RBFOX1: variants seen among roughly 807,000 people sequenced by gnomAD.
The protein encoded by RBFOX1 is RNA binding protein fox-1 homolog 1.
Under a neutral mutation model 57.7 loss-of-function variants are expected in RBFOX1, and 8 were observed. The observed-to-expected ratio is 0.14, with a 90% CI of 0.08 to 0.25. The LOEUF (loss-of-function observed/expected upper bound fraction) is 0.25, where lower values mean the gene tolerates loss of function less well. RBFOX1 is among the 10% of genes least tolerant of loss of function. RBFOX1 has a pLI of 1.00. For missense variants in RBFOX1, 611 were observed against 548.5 expected, an observed-to-expected ratio of 1.11 and a Z score of -1.14; for synonymous variants, 326 against 222.4, an observed-to-expected ratio of 1.47 and a Z score of -4.15.
At chr16:6,361,820 C>G (rs2088601335) in intron 2 of RBFOX1, among the ~76,000 whole-genome samples, 1 of 152,138 alleles carries the variant, frequency 6.6e-6, no homozygotes, top group Non-Finnish European at 1.5e-5. Flanking sequence ...TTGAGAACCA[C>G]TGGGCTGGAG....
intron 1 of RBFOX1, among the ~76,000 whole-genome samples, chr16:6,209,228 C>T (rs1352496649): frequency 6.6e-6 from 1 of 152,126 alleles, no homozygotes; most frequent in Non-Finnish European, 1.5e-5. Flanking sequence ...GGCATCTTCA[C>T]AAACAAGCAA....
At chr16:6,645,256 A>C (rs533122429) in intron 2 of RBFOX1, among the ~76,000 whole-genome samples, 14 of 152,046 alleles carry the variant, frequency 9.2e-5, no homozygotes, top group African/African-American at 2.9e-4. Context: ...GTCTGCACAG[A>C]CTCCATTTGC....
chr16:5,564,152 A>G (rs1948949), intron 2 of RBFOX1, among the ~76,000 whole-genome samples: 64,646 of 151,584 alleles, frequency 0.43, 14,004 homozygotes, highest in East Asian at 0.52. Flanking sequence ...AGCTGAGATT[A>G]TGGTCCGCAC....
chr16:6,280,094 C>T (rs926274260), intron 1 of RBFOX1, among the ~76,000 whole-genome samples: 1 of 151,038 alleles, frequency 6.6e-6, no homozygotes, highest in South Asian at 2.1e-4. Context: ...TTTTGGGGGT[C>T]GGGAAAGGGG....
intron 3 of RBFOX1, among the ~76,000 whole-genome samples, chr16:6,940,768 G>C (rs2078252489): frequency 2.3e-5 from 1 of 43,672 alleles, no homozygotes; most frequent in Non-Finnish European, 3.9e-5. Flanking sequence ...CCGCTAGTGT[G>C]TGTGTGTGTG....
intron 2 of RBFOX1, among the ~76,000 whole-genome samples, chr16:6,444,123 C>T (rs1041403167): frequency 1.4e-4 from 22 of 152,086 alleles, no homozygotes; most frequent in African/African-American, 4.6e-4. Context: ...GCATCCTCAT[C>T]GATTGCTGTC....
At chr16:6,003,574 A>T (rs1290121365) in intron 4 of RBFOX1, among the ~76,000 whole-genome samples, 1 of 149,904 alleles carries the variant, frequency 6.7e-6, no homozygotes, top group African/African-American at 2.5e-5. Context: ...CTTTGTAGCT[A>T]GTGCCTTTTT....
At chr16:6,664,294 A>G (rs1291173078) in intron 3 of RBFOX1, among the ~76,000 whole-genome samples, 1 of 152,214 alleles carries the variant, frequency 6.6e-6, no homozygotes, top group Non-Finnish European at 1.5e-5. Context: ...TCTTCAGATT[A>G]GTAACCCTCA....
At chr16:7,621,012 A>G (rs962784970) in intron 10 of RBFOX1, among the ~76,000 whole-genome samples, 2 of 152,054 alleles carry the variant, frequency 1.3e-5, no homozygotes, top group African/African-American at 4.8e-5. Flanking sequence ...CATCCCCTGG[A>G]AGCCTATGAG....
chr16:5,753,159 TA>T lies in RBFOX1; in HGVS notation c.319-114132del, dbSNP rs879756408. On this transcript the variant is annotated intron_variant, in intron 3 of 19. Transcript: ENST00000641259. ...TGGGCAGCAGAACAAAACCTTGTCTTAAAAAAAAAAAAGTGAAAATGCTTGT... is the reference window on the plus strand; with the variant it reads ...TGGGCAGCAGAACAAAACCTTGTCTTAAAAAAAAAAAGTGAAAATGCTTGT... Among the ~76,000 whole-genome samples the T allele has an allele frequency of 2.1e-3, 309 of 144,174 alleles. 2 individuals are homozygous for T. The highest frequency in any genetic ancestry group is 4.0e-3 in the African/African-American group (158 of 39,556). The allele number at this position is 144,174 out of a possible 152,430, so 94.6% of individuals were successfully genotyped here.
intron 2 of RBFOX1, among the ~76,000 whole-genome samples, chr16:6,613,515 C>G (rs984142901): frequency 1.3e-5 from 2 of 152,004 alleles, no homozygotes; most frequent in Admixed American, 6.6e-5. Flanking sequence ...CACTTACATG[C>G]AAGGACATTG....
intron 4 of RBFOX1, among the ~76,000 whole-genome samples, chr16:7,258,032 C>G (rs1166368174): frequency 6.6e-6 from 1 of 152,196 alleles, no homozygotes; most frequent in Non-Finnish European, 1.5e-5. Context: ...ATCAGCACAA[C>G]TGGTAGCTTT....
At chr16:6,821,285 G>A (rs1399378328) in intron 3 of RBFOX1, among the ~76,000 whole-genome samples, 1 of 152,140 alleles carries the variant, frequency 6.6e-6, no homozygotes, top group South Asian at 2.1e-4. Context: ...TGGGTCTGTG[G>A]TGCTTTCCTC....
intron 4 of RBFOX1, among the ~76,000 whole-genome samples, chr16:7,224,794 G>C (rs968991335): frequency 2.6e-5 from 4 of 152,186 alleles, no homozygotes; most frequent in African/African-American, 9.7e-5. Context: ...GTGGTCCAAA[G>C]ACCAGCCTCA....
chr16:6,561,720 T>C (rs1313417406), intron 2 of RBFOX1, among the ~76,000 whole-genome samples: 1 of 152,216 alleles, frequency 6.6e-6, no homozygotes, highest in East Asian at 1.9e-4. Flanking sequence ...GACACCAGGA[T>C]GAATTTTTAA....
chr16:7,335,602 AAAAAAAAC>A (rs1483132983), intron 4 of RBFOX1, among the ~76,000 whole-genome samples: 226 of 64,640 alleles, frequency 3.5e-3, no homozygotes, highest in Non-Finnish European at 4.6e-3. Flanking sequence ...AAAAAAAAAA[AAAAAAAAC>A]CAAGTGATTT....
intron 1 of RBFOX1, chr16:5,270,999 AAAAC>A (rs1184440244): frequency 4.6e-5 from 14 of 306,334 alleles, no homozygotes; most frequent in Non-Finnish European, 7.9e-5. Flanking sequence ...CTATTTGTGA[AAAAC>A]AAACAATAAA....
intron 4 of RBFOX1, among the ~76,000 whole-genome samples, chr16:7,189,793 A>G (rs930318283): frequency 2.0e-5 from 3 of 152,232 alleles, no homozygotes; most frequent in African/African-American, 7.2e-5. Context: ...GCATCCAGCA[A>G]GTAAGTTTTC....
chr16:6,111,027 A>G (rs546848740), intron 1 of RBFOX1, among the ~76,000 whole-genome samples: 1 of 152,214 alleles, frequency 6.6e-6, no homozygotes, highest in East Asian at 1.9e-4. Flanking sequence ...GAAGGAAGAG[A>G]TTCTCATGGG....
Sources: gnomAD v4.1 joint callset for allele counts (sites outside exome capture counted in the v4.1 genomes callset) on GRCh38, gnomAD v4.1.1 for gene constraint, MANE v1.5 for transcripts, NCBI Gene and HGNC (gene_info 2026-07-23, HGNC 2026-07-21) for gene names.